TULP4: variants seen among roughly 807,000 people sequenced by gnomAD.
TULP4 encodes the protein tubby-related protein 4.
In TULP4, 16 loss-of-function variants were observed where a neutral mutation model predicts 129.0. The ratio of observed to expected loss-of-function variants is 0.12; its 90% CI spans 0.08 to 0.19. The LOEUF is 0.19. Among genes scored for constraint, TULP4 ranks in the 10% least tolerant of loss-of-function variants. TULP4 has a pLI of 1.00. For missense variants in TULP4, 1,842 were observed against 2,059.1 expected (o/e 0.89, Z 2.04); for synonymous variants, 998 against 854.0 (o/e 1.17, Z -2.94).
intron 2 of TULP4, among the ~76,000 whole-genome samples, chr6:158,424,331 C>A (rs1049954705): frequency 6.6e-6 from 1 of 152,088 alleles, no homozygotes; most frequent in African/African-American, 2.4e-5. Context: ...CTCACTGCAA[C>A]CTCCGCCTCC....
Position 158,493,448 on chromosome 6 carries a change from T to G in TULP4, c.1632-125T>G. On this transcript the variant is annotated intron_variant, in intron 9 of 13. Transcript: ENST00000367097. The surrounding 1 kb of genome is among the most constrained non-coding windows in gnomAD (Gnocchi z 4.4). ...GGAGAGCTTTGTTAAATTCGGGCAC[T>G]GGCTGCAGGGTGAGAACCCAACACC... is the stretch of plus-strand genomic sequence containing the variant. 9.6e-7 allele frequency: 1 copy of G among 1,045,762 alleles called. No individual in the cohort carries two copies. Among genetic ancestry groups the G allele is most frequent in the Non-Finnish European group, 1.3e-6 (1 of 779,616 alleles). The allele number at this position is 1,045,762 out of a possible 1,614,324, so 64.8% of individuals were successfully genotyped here.
At chr6:158,239,632 T>TG (rs201430736) in intron 1 of TULP4, among the ~76,000 whole-genome samples, 1 of 28,292 alleles carries the variant, frequency 3.5e-5, no homozygotes, top group Non-Finnish European at 7.2e-5. Context: ...GCTGGCCGGG[T>TG]GGGGGGCTGA....
chr6:158,311,224 C>G (rs781207714), upstream of TULP4, among the ~76,000 whole-genome samples: 3 of 152,136 alleles, frequency 2.0e-5, no homozygotes, highest in Non-Finnish European at 4.4e-5. Flanking sequence ...ATTAGAAATG[C>G]GAACACCTGG....
At chr6:158,491,946 C>T (rs1269168752) in intron 9 of TULP4, among the ~76,000 whole-genome samples, 3 of 152,112 alleles carry the variant, frequency 2.0e-5, no homozygotes, top group African/African-American at 4.8e-5. Context: ...GCAACCTTCA[C>T]CTCCTGGGTT....
At chr6:158,499,239 A>C (rs769161868) in intron 12 of TULP4, among the ~76,000 whole-genome samples, 2 of 152,170 alleles carry the variant, frequency 1.3e-5, no homozygotes, top group Non-Finnish European at 2.9e-5. Flanking sequence ...GTCTCACTCC[A>C]GCATTCCCGT....
chr6:158,378,587 T>C (rs1370939724), intron 1 of TULP4, among the ~76,000 whole-genome samples: 1 of 150,484 alleles, frequency 6.6e-6, no homozygotes, highest in East Asian at 2.0e-4. Flanking sequence ...CCTCTCCAGG[T>C]TCAAGCGATT....
chr6:158,477,777 A>G (rs1779855551), intron 6 of TULP4, among the ~76,000 whole-genome samples: 1 of 152,336 alleles, frequency 6.6e-6, no homozygotes, highest in East Asian at 1.9e-4. Context: ...CCAAAGGAAT[A>G]TTTGTTCTAT....
intron 1 of TULP4, among the ~76,000 whole-genome samples, chr6:158,236,213 A>G (rs1271797117): frequency 6.6e-6 from 1 of 152,250 alleles, no homozygotes; most frequent in Non-Finnish European, 1.5e-5. Context: ...CTTAACACCA[A>G]ATGGAAACCT....
At chr6:158,438,741 T>C (rs1257150099) in intron 3 of TULP4, among the ~76,000 whole-genome samples, 2 of 151,818 alleles carry the variant, frequency 1.3e-5, no homozygotes, top group East Asian at 2.0e-4. Context: ...CGCACCACCA[T>C]ACCTGGCTAA....
chr6:158,413,229 G>A lies in TULP4; in HGVS notation c.381+36G>A. 1 of 1,591,658 alleles carries A rather than the reference G, an allele frequency of 6.3e-7. No individual in the cohort carries two copies. Among genetic ancestry groups the A allele is most frequent in the Non-Finnish European group, 8.6e-7 (1 of 1,164,986 alleles). ...GGCGCAGCTCTGCCAGTGAAGGGCT[G>A]CGGGGTAGAGGACTCCCAGACAGGC... On this transcript the variant is annotated intron_variant, in intron 2 of 13. Transcript: ENST00000367097. This position sits in a 1 kb window ranked among gnomAD's most constrained non-coding sequence, Gnocchi z 4.9.
At chr6:158,328,349 C>T (rs1172555341) in intron 1 of TULP4, among the ~76,000 whole-genome samples, 3 of 151,934 alleles carry the variant, frequency 2.0e-5, no homozygotes, top group Non-Finnish European at 2.9e-5. Context: ...AAGCAGCTTG[C>T]CCAAAGTAAG....
At chr6:158,464,598 A>G (rs1449240193) in intron 6 of TULP4, among the ~76,000 whole-genome samples, 1 of 152,058 alleles carries the variant, frequency 6.6e-6, no homozygotes, top group Non-Finnish European at 1.5e-5. Flanking sequence ...TTCTGCTTTC[A>G]CCCTGTTGAC....
chr6:158,378,451 A>G (rs1777240949), intron 1 of TULP4, among the ~76,000 whole-genome samples: 1 of 98,454 alleles, frequency 1.0e-5, no homozygotes. Context: ...AGCAGTTAGG[A>G]TGGGGGAGCC....
intron 1 of TULP4, among the ~76,000 whole-genome samples, chr6:158,365,586 C>T (rs1780921172): frequency 6.6e-6 from 1 of 151,432 alleles, no homozygotes. Context: ...ACGCCATTCT[C>T]CTGCCTCAGC....
chr6:158,501,910 G>A lies in TULP4; in HGVS notation c.2247G>A (p.Arg749=). The A allele has an allele frequency of 6.2e-7, 1 of 1,614,062 alleles. No individual in the cohort carries two copies. Among genetic ancestry groups the A allele is most frequent in the African/African-American group, 1.3e-5 (1 of 75,004 alleles). The change falls in exon 13 of 14, where the codon CGG becomes CGA. Residue 749 remains arginine (R), a synonymous_variant. Coordinates refer to ENST00000367097, the MANE Select transcript of TULP4 (RefSeq NM_020245.5). ...CCACCCAGTACCCAGTCTCCAACCG[G>A]TACTCCAATCCTGGACAGGTGATTT... The part of the protein sequence containing the change: ...DSATQYPVSN[R]YSNPGQVIFG...
At chr6:158,263,020 T>G (rs893205953) in intron 1 of TULP4, among the ~76,000 whole-genome samples, 6 of 86,272 alleles carry the variant, frequency 7.0e-5, no homozygotes, top group Non-Finnish European at 1.8e-4. Context: ...CAGATGTGTC[T>G]GTATCTTTGT....
At chr6:158,481,660 C>T (rs766286031) in intron 8 of TULP4, 11 of 264,866 alleles carry the variant, frequency 4.2e-5, no homozygotes, top group Admixed American at 2.7e-4. Context: ...AAGATACAGT[C>T]CCTACCCTCC....
At position 158,504,175 on chromosome 6, in the gene TULP4, G is replaced by T; in HGVS notation, c.4512G>T (p.Arg1504=). The change falls in exon 13 of 14, where the codon CGG becomes CGT. Residue 1504 remains arginine (R), a synonymous_variant. Transcript: ENST00000367097. ...AKNFQIELEG[R]QVMQFGRIDG... Reference sequence around the variant, plus strand: ...ACTTCCAGATTGAGTTAGAGGGGCGGCAGGTAAGACCTCAGACCAGGTGGC... The same window carrying T: ...ACTTCCAGATTGAGTTAGAGGGGCGTCAGGTAAGACCTCAGACCAGGTGGC... 6.3e-7 allele frequency: 1 copy of T among 1,581,644 alleles called. No individual in the cohort carries two copies. Among genetic ancestry groups the T allele is most frequent in the Non-Finnish European group, 8.6e-7 (1 of 1,162,118 alleles).
At chr6:158,250,608 A>C (rs1393300824) in intron 1 of TULP4, among the ~76,000 whole-genome samples, 1 of 152,162 alleles carries the variant, frequency 6.6e-6, no homozygotes, top group African/African-American at 2.4e-5. Flanking sequence ...TAATTCTGAG[A>C]GCCTTGGGAT....
Sources: gnomAD v4.1 joint callset for allele counts (sites outside exome capture counted in the v4.1 genomes callset) on GRCh38, gnomAD v4.1.1 for gene constraint, Gnocchi (gnomAD v3.1) non-coding constraint, MANE v1.5 for transcripts, NCBI Gene and HGNC (gene_info 2026-07-23, HGNC 2026-07-21) for gene names.